The following TOX variants were observed in gnomAD, a reference collection of about 807,000 sequenced individuals.
TOX encodes the protein thymocyte selection associated high mobility group box, also known as thymocyte selection-associated high mobility group box protein TOX.
TOX carries 11 observed loss-of-function variants against 53.7 expected under a neutral mutation model. The ratio of observed to expected loss-of-function variants is 0.20; its 90% CI spans 0.13 to 0.34. TOX has a LOEUF of 0.34. Among genes scored for constraint, TOX ranks in the 10% least tolerant of loss-of-function variants. The pLI is 1.00. For missense variants in TOX, 570 were observed against 664.6 expected, an observed-to-expected ratio of 0.86 and a Z score of 1.56; for synonymous variants, 225 against 245.3, an observed-to-expected ratio of 0.92 and a Z score of 0.77.
chr8:59,092,240 A>G (rs1325226518), intron 1 of TOX, among the ~76,000 whole-genome samples: 1 of 125,298 alleles, frequency 8.0e-6, no homozygotes, highest in Non-Finnish European at 1.6e-5. Context: ...CGAAAGAGCA[A>G]GACTCCATCT....
rs141123379 is a variant in TOX at position 58,959,976 on chromosome 8, T to C, written c.135A>G (p.Thr45=). 2.5e-6 allele frequency: 4 copies of C among 1,614,086 alleles called. No homozygotes were observed. The African/African-American group carries it at 5.3e-5, about 22-fold the overall frequency. Residue 45 remains threonine (T), a synonymous_variant, in exon 2 of 9, where the codon ACA becomes ACG. Coordinates refer to ENST00000361421, the MANE Select transcript of TOX (RefSeq NM_014729.3). ...CTGGCACATAGTCCTGGCTCGGCTC[T>C]GTCATGCTCATATACATGTTCTCAC... ...FDGENMYMSM[T]EPSQDYVPAS... is the part of the protein sequence containing the mutation.
At chr8:58,837,972 A>G in intron 5 of TOX, 109 bp downstream of exon 5, 1 of 979,020 alleles carries the variant, frequency 1.0e-6, no homozygotes, top group Non-Finnish European at 1.5e-6. Flanking sequence ...ACACCTTCTC[A>G]GCGTCTGTTC....
At chr8:59,106,287 T>C (rs573228033) in intron 1 of TOX, among the ~76,000 whole-genome samples, 12 of 151,566 alleles carry the variant, frequency 7.9e-5, no homozygotes, top group Non-Finnish European at 1.6e-4. Context: ...CATTTTTTCT[T>C]TCTTTTCTAA....
At chr8:58,811,196 T>C (rs1810070163) in intron 7 of TOX, among the ~76,000 whole-genome samples, 1 of 152,210 alleles carries the variant, frequency 6.6e-6, no homozygotes, top group Admixed American at 6.5e-5. Flanking sequence ...TTGGTGTAAA[T>C]ATGAAACAAC....
intron 1 of TOX, among the ~76,000 whole-genome samples, chr8:59,110,820 C>A (rs1251879904): frequency 6.6e-6 from 1 of 151,984 alleles, no homozygotes; most frequent in African/African-American, 2.4e-5. Context: ...CTTTGACTCT[C>A]CGGAAAGGTT....
intron 1 of TOX, among the ~76,000 whole-genome samples, chr8:58,979,876 T>C (rs1261911800): frequency 2.6e-5 from 4 of 152,192 alleles, no homozygotes; most frequent in East Asian, 3.9e-4. Flanking sequence ...ATTGTGAGCA[T>C]AGAAAGTTGG....
At chr8:58,994,387 G>C (rs1209029042) in intron 1 of TOX, among the ~76,000 whole-genome samples, 1 of 129,232 alleles carries the variant, frequency 7.7e-6, no homozygotes, top group Non-Finnish European at 1.7e-5. Flanking sequence ...CTTTCAAAAT[G>C]CCAAGTGTGT....
intron 1 of TOX, among the ~76,000 whole-genome samples, chr8:59,049,741 T>C (rs533027047): frequency 1.3e-5 from 2 of 152,312 alleles, no homozygotes; most frequent in South Asian, 4.2e-4. Flanking sequence ...GCATTTCTGC[T>C]GGCTACTGAT....
At chr8:58,933,040 G>A (rs1397008232) in intron 3 of TOX, among the ~76,000 whole-genome samples, 4 of 151,988 alleles carry the variant, frequency 2.6e-5, no homozygotes, top group East Asian at 1.9e-4. Flanking sequence ...AATTGAAATC[G>A]CCTTTGTTGC....
Position 58,971,230 on chromosome 8 carries a change from G to A in TOX, c.103-11222C>T, listed in dbSNP as rs1416874528. ...TCTGAATCTGTAGCAGCACGATGAG[G>A]AAAAACGACTAGAATGGCAGACACT... On this transcript the variant is annotated intron_variant, in intron 1 of 8. Coordinates refer to ENST00000361421, the MANE Select transcript of TOX (RefSeq NM_014729.3). Among the ~76,000 whole-genome samples the A allele has an allele frequency of 3.3e-5, 5 of 152,210 alleles. No individual in the cohort carries two copies. In the East Asian group the frequency reaches 9.6e-4, roughly 29 times the overall value.
intron 3 of TOX, among the ~76,000 whole-genome samples, chr8:58,868,865 G>GAAAAAAAAAAAAAAAAAACAAA (rs61357991): frequency 7.1e-6 from 1 of 140,858 alleles, no homozygotes. Flanking sequence ...AAAAGAACAG[G>GAAAAAAAAAAAAAAAAAACAAA]AAAAAAAAAA....
chr8:58,818,516 C>A (rs1008996257), intron 6 of TOX, among the ~76,000 whole-genome samples: 1 of 152,150 alleles, frequency 6.6e-6, no homozygotes, highest in Non-Finnish European at 1.5e-5. Flanking sequence ...TCCAAAAGGG[C>A]ATCTTTTTTT....
rs376826833 is a variant in TOX at position 58,828,248 on chromosome 8, C to T, written c.925-1346G>A. ...ATTTTAATTAAAGCAGAACATTTTG[C>T]TTAAGGTAAACAAATGACTAACCTT... On this transcript the variant is annotated intron_variant, in intron 5 of 8. Transcript: ENST00000361421. 3.3e-5 allele frequency among the ~76,000 whole-genome samples: 5 copies of T among 152,232 alleles called. No individual in the cohort carries two copies. In the South Asian group the frequency reaches 6.2e-4, roughly 19 times the overall value.
At chr8:59,107,047 G>GCGGGT (rs1554547184) in intron 1 of TOX, among the ~76,000 whole-genome samples, 1 of 46,546 alleles carries the variant, frequency 2.1e-5, no homozygotes, top group Admixed American at 2.4e-4. Context: ...GCAGTTTGCT[G>GCGGGT]GGGGGGGGGG....
At chr8:58,872,660 C>T (rs1173446459) in intron 3 of TOX, among the ~76,000 whole-genome samples, 10 of 152,080 alleles carry the variant, frequency 6.6e-5, no homozygotes, top group African/African-American at 2.2e-4. Context: ...AGAAAACCAT[C>T]GGACACATGC....
At chr8:59,102,203 C>T (rs1804819243) in intron 1 of TOX, among the ~76,000 whole-genome samples, 2 of 151,998 alleles carry the variant, frequency 1.3e-5, no homozygotes, top group South Asian at 2.1e-4. Context: ...CAAAAGAGAG[C>T]TTGTACAGAA....
chr8:58,998,534 T>TAA (rs1450253677), intron 1 of TOX, among the ~76,000 whole-genome samples: 129 of 18,254 alleles, frequency 7.1e-3, no homozygotes, highest in East Asian at 0.05. Context: ...TATATATATA[T>TAA]ATATAAATTT....
At chr8:59,094,128 A>C (rs1196440006) in intron 1 of TOX, among the ~76,000 whole-genome samples, 1 of 152,230 alleles carries the variant, frequency 6.6e-6, no homozygotes, top group Non-Finnish European at 1.5e-5. Context: ...ATTATATATT[A>C]AGTATCAGTA....
chr8:59,088,973 C>A (rs1250801516), intron 1 of TOX, among the ~76,000 whole-genome samples: 1 of 152,000 alleles, frequency 6.6e-6, no homozygotes, highest in Non-Finnish European at 1.5e-5. Context: ...CTTAACAAAC[C>A]TAAATAGGCT....
Sources: gnomAD v4.1 joint callset for allele counts (sites outside exome capture counted in the v4.1 genomes callset) on GRCh38, gnomAD v4.1.1 for gene constraint, MANE v1.5 for transcripts, NCBI Gene and HGNC (gene_info 2026-07-23, HGNC 2026-07-21) for gene names.